The following ARGLU1 variants were observed in gnomAD, a reference collection of about 807,000 sequenced individuals.
ARGLU1 encodes arginine and glutamate rich 1.
A neutral mutation model predicts 37.6 loss-of-function variants in ARGLU1; 9 were observed. The observed-to-expected ratio is 0.24, with a 90% CI of 0.14 to 0.42. The LOEUF (loss-of-function observed/expected upper bound fraction) is 0.42, where lower values mean the gene tolerates loss of function less well. ARGLU1 is among the 10% of genes least tolerant of loss of function. ARGLU1 has a pLI of 1.00. For missense variants in ARGLU1, 211 were observed against 359.2 expected (o/e 0.59, Z 3.34); for synonymous variants, 166 against 138.5 (o/e 1.20, Z -1.39).
intron 3 of ARGLU1, among the ~76,000 whole-genome samples, chr13:106,553,532 C>A (rs1353616796): frequency 6.6e-6 from 1 of 151,740 alleles, no homozygotes; most frequent in Non-Finnish European, 1.5e-5. Flanking sequence ...ACTGTTATAC[C>A]CATTTAAATT....
At chr13:106,559,152 C>A in intron 2 of ARGLU1, 1 of 1,369,788 alleles carries the variant, frequency 7.3e-7, no homozygotes, top group Non-Finnish European at 9.5e-7. Context: ...AATGTAAGTC[C>A]TGCAGCCATG....
In ARGLU1 at chr13:106,567,525, G is replaced by A. The variant is rs755326254; in HGVS notation, c.347+48C>T. The A allele has an allele frequency of 5.2e-6, 7 of 1,344,320 alleles. No homozygotes were observed. In the South Asian group the frequency reaches 7.1e-5, roughly 14 times the overall value. The allele number at this position is 1,344,320 out of a possible 1,614,324, so 83.3% of individuals were successfully genotyped here. On this transcript the variant is annotated intron_variant, in intron 1 of 3. Coordinates refer to ENST00000400198, the MANE Select transcript of ARGLU1 (RefSeq NM_018011.4). This position sits in a 1 kb window ranked among gnomAD's most constrained non-coding sequence, Gnocchi z 4.3. ...CGCCCCGGCCCCACGCCCTCGCCCC[G>A]CGCCCTGCTCTCCGCACGCCCCGGT... is the stretch of plus-strand genomic sequence containing the variant.
At chr13:106,551,711 G>T (rs1254110131) in intron 3 of ARGLU1, among the ~76,000 whole-genome samples, 1 of 152,170 alleles carries the variant, frequency 6.6e-6, no homozygotes, top group African/African-American at 2.4e-5. Context: ...GTCTTTAGCG[G>T]AGAGTCTGCT....
intron 2 of ARGLU1, chr13:106,558,185 T>A: frequency 2.0e-6 from 2 of 985,206 alleles, no homozygotes; most frequent in Non-Finnish European, 2.4e-6. Flanking sequence ...TTACTATGAT[T>A]AATAACTCGC....
chr13:106,543,946 C>T lies in ARGLU1; in HGVS notation c.*50G>A. On this transcript the variant is annotated 3_prime_UTR_variant, in exon 4 of 4. Transcript: ENST00000400198. Reference sequence around the variant, plus strand: ...AAAAAACCACTTCAACATGAAGCTACCATACAAAGTTTTTCCATTTTTCTT... The same window carrying T: ...AAAAAACCACTTCAACATGAAGCTATCATACAAAGTTTTTCCATTTTTCTT... 2 of 1,502,140 alleles carry T rather than the reference C, an allele frequency of 1.3e-6. No individual in the cohort carries two copies. Among genetic ancestry groups the T allele is most frequent in the Admixed American group, 5.0e-5 (2 of 39,702 alleles). 93.1% of individuals were successfully genotyped at this position (1,502,140 alleles called of 1,614,324 possible).
At chr13:106,562,990 C>CAAAAAAA (rs745494550) in intron 1 of ARGLU1, among the ~76,000 whole-genome samples, 3 of 67,420 alleles carry the variant, frequency 4.4e-5, no homozygotes, top group African/African-American at 1.1e-4. Context: ...GACCCTGTCT[C>CAAAAAAA]AAAAAAAAAA....
chr13:106,552,061 C>T (rs1016506431), intron 3 of ARGLU1, among the ~76,000 whole-genome samples: 5 of 152,154 alleles, frequency 3.3e-5, no homozygotes, highest in African/African-American at 1.2e-4. Context: ...GATTTTTCAG[C>T]CTATCATACA....
chr13:106,554,202 A>G (rs1435122658), intron 3 of ARGLU1, among the ~76,000 whole-genome samples: 1 of 152,204 alleles, frequency 6.6e-6, no homozygotes, highest in Non-Finnish European at 1.5e-5. Flanking sequence ...TGTTTCCAAA[A>G]TATGTTAAAT....
Position 106,557,205 on chromosome 13 carries a change from CCTCTG to C in ARGLU1, c.574-79_574-75del. 2.3e-6 allele frequency: 3 copies of C among 1,324,034 alleles called. No homozygotes were observed. Among genetic ancestry groups the C allele is most frequent in the Non-Finnish European group, 3.2e-6 (3 of 935,760 alleles). 82.0% of individuals were successfully genotyped at this position (1,324,034 alleles called of 1,614,324 possible). A position where few individuals can be genotyped will look rare whatever the true frequency, so the allele number is the denominator to read the frequency against. On this transcript the variant is annotated intron_variant, in intron 2 of 3. Coordinates refer to ENST00000400198, the MANE Select transcript of ARGLU1 (RefSeq NM_018011.4). This position sits in a 1 kb window ranked among gnomAD's most constrained non-coding sequence, Gnocchi z 5.0. ...TTATTGATAAATATTTACTAATCTT[CCTCTG>C]AACTTTTTTGATATGACTTACAGGG...
At chr13:106,560,778 TTAAA>T (rs1310718674) in intron 1 of ARGLU1, among the ~76,000 whole-genome samples, 29 of 152,192 alleles carry the variant, frequency 1.9e-4, no homozygotes, top group African/African-American at 7.0e-4. Context: ...TTTCTCAAAA[TTAAA>T]TAAAACCTGC....
Position 106,567,429 on chromosome 13 carries a change from T to A in ARGLU1, c.347+144A>T. 1 of 555,794 alleles carries A rather than the reference T, an allele frequency of 1.8e-6. No individual in the cohort carries two copies. Among genetic ancestry groups the A allele is most frequent in the Non-Finnish European group, 3.0e-6 (1 of 335,542 alleles). The allele number at this position is 555,794 out of a possible 1,614,324, so 34.4% of individuals were successfully genotyped here. A position where few individuals can be genotyped will look rare whatever the true frequency, so the allele number is the denominator to read the frequency against. Reference sequence around the variant, plus strand: ...CAAGCCTGCCCGCCCCGCCGCCGCCTCTCCGACCCGTTCCCGCGCCCGGTC... The same window carrying A: ...CAAGCCTGCCCGCCCCGCCGCCGCCACTCCGACCCGTTCCCGCGCCCGGTC... On this transcript the variant is annotated intron_variant, in intron 1 of 3. Coordinates refer to ENST00000400198, the MANE Select transcript of ARGLU1 (RefSeq NM_018011.4). The surrounding 1 kb of genome is among the most constrained non-coding windows in gnomAD (Gnocchi z 4.3).
At chr13:106,564,877 A>C (rs1880917815) in intron 1 of ARGLU1, among the ~76,000 whole-genome samples, 1 of 152,234 alleles carries the variant, frequency 6.6e-6, no homozygotes, top group Non-Finnish European at 1.5e-5. Flanking sequence ...CATTTTTACC[A>C]GTACCTGCCA....
intron 3 of ARGLU1, among the ~76,000 whole-genome samples, chr13:106,550,143 T>C (rs1022862661): frequency 2.0e-5 from 3 of 152,220 alleles, no homozygotes; most frequent in Non-Finnish European, 4.4e-5. Flanking sequence ...GAGTGTCTTT[T>C]CTGGTTCCTA....
intron 3 of ARGLU1, among the ~76,000 whole-genome samples, chr13:106,546,528 AC>A (rs2138963362): frequency 6.6e-6 from 1 of 152,292 alleles, no homozygotes; most frequent in Non-Finnish European, 1.5e-5. Flanking sequence ...AACAAAAAGA[AC>A]TGCCTGCTAT....
Position 106,557,715 on chromosome 13 carries a change from C to A in ARGLU1, c.574-584G>T. On this transcript the variant is annotated intron_variant, in intron 2 of 3. Coordinates refer to ENST00000400198, the MANE Select transcript of ARGLU1 (RefSeq NM_018011.4). This position sits in a 1 kb window ranked among gnomAD's most constrained non-coding sequence, Gnocchi z 5.0. The stretch of plus-strand genomic sequence containing the variant: ...ACAAGGAAGGCTGAGCTGAGGAATG[C>A]AGATGTTTATGGTAAGAAGGAACAA... 2.8e-6 allele frequency: 4 copies of A among 1,425,204 alleles called. No homozygotes were observed. The highest frequency in any genetic ancestry group is 3.7e-6 in the Non-Finnish European group (4 of 1,075,836). 88.3% of individuals were successfully genotyped at this position (1,425,204 alleles called of 1,614,324 possible).
chr13:106,548,340 A>G (rs1461190697), intron 3 of ARGLU1, among the ~76,000 whole-genome samples: 3 of 152,104 alleles, frequency 2.0e-5, no homozygotes, highest in Non-Finnish European at 4.4e-5. Flanking sequence ...CTCTCTCTGT[A>G]GTAACTTTTT....
At chr13:106,551,844 G>A (rs1566471937) in intron 3 of ARGLU1, among the ~76,000 whole-genome samples, 1 of 152,078 alleles carries the variant, frequency 6.6e-6, no homozygotes, top group African/African-American at 2.4e-5. Context: ...TCCTTCTCCT[G>A]TCTGTGCTAT....
intron 3 of ARGLU1, among the ~76,000 whole-genome samples, chr13:106,556,667 G>A (rs1202331597): frequency 2.0e-5 from 3 of 152,080 alleles, no homozygotes; most frequent in Non-Finnish European, 4.4e-5. Context: ...TCTACTCCTG[G>A]TAACAAGCCA....
At chr13:106,560,889 T>A (rs1010321724) in intron 1 of ARGLU1, among the ~76,000 whole-genome samples, 2 of 152,218 alleles carry the variant, frequency 1.3e-5, no homozygotes, top group Non-Finnish European at 2.9e-5. Context: ...AAGTGACCTT[T>A]AAATACCCCA....
Sources: gnomAD v4.1 joint callset for allele counts (sites outside exome capture counted in the v4.1 genomes callset) on GRCh38, gnomAD v4.1.1 for gene constraint, Gnocchi (gnomAD v3.1) non-coding constraint, MANE v1.5 for transcripts, NCBI Gene and HGNC (gene_info 2026-07-23, HGNC 2026-07-21) for gene names.